The following PRDM8 variants were observed in gnomAD, a reference collection of about 807,000 sequenced individuals.
The protein encoded by PRDM8 is PR domain zinc finger protein 8.
Under a neutral mutation model 46.5 loss-of-function variants are expected in PRDM8, and 13 were observed. That is an observed-to-expected ratio of 0.28 (90% CI 0.18 to 0.44). The LOEUF (loss-of-function observed/expected upper bound fraction) is 0.44. Among genes scored for constraint, PRDM8 ranks in the 20% least tolerant of loss-of-function variants. The pLI is 1.00. For missense variants in PRDM8, 998 were observed against 955.0 expected (o/e 1.04, Z -0.59); for synonymous variants, 473 against 438.4 (o/e 1.08, Z -0.98).
chr4:80,200,272 C>T lies in PRDM8; in HGVS notation c.192C>T (p.Asp64=), dbSNP rs1353802596. ...SIAFIALKST[D]KRTVPYIFRV... ...CTTTCATAGCTCTCAAGTCTACTGA[C>T]AAGAGAACAGTACCGTATATCTTTC... The change falls in exon 2 of 4, where the codon GAC becomes GAT. Residue 64 remains aspartate (D), a synonymous_variant. Coordinates refer to ENST00000415738, the MANE Select transcript of PRDM8 (RefSeq NM_001099403.2). 1 of 1,613,744 alleles carries T rather than the reference C, an allele frequency of 6.2e-7. No homozygotes were observed. The highest frequency in any genetic ancestry group is 8.5e-7 in the Non-Finnish European group (1 of 1,179,806).
At chr4:80,195,079 AT>A (rs1455823468), upstream of PRDM8, among the ~76,000 whole-genome samples, 1 of 152,168 alleles carries the variant, frequency 6.6e-6, no homozygotes, top group Non-Finnish European at 1.5e-5. Context: ...CATATTTACA[AT>A]ATGTAAGATA....
Position 80,203,245 on chromosome 4 carries a change from G to A in PRDM8, c.1783G>A (p.Ala595Thr). The change falls in exon 4 of 4, where the codon GCG becomes ACG. Residue 595 changes from alanine (A) to threonine (T), a missense_variant. Transcript: ENST00000415738. ...CGCTGCCGCTGCAGCCGCGGCTGCG[G>A]CGGCGGCCGCGGGGCCCTTGCAGCT... ...SSAAAAAAAA[A>T]AAAGPLQLQL... 1 of 1,556,296 alleles carries A rather than the reference G, an allele frequency of 6.4e-7. No individual in the cohort carries two copies. The highest frequency in any genetic ancestry group is 8.7e-7 in the Non-Finnish European group (1 of 1,153,330).
intron 1 of PRDM8, among the ~76,000 whole-genome samples, chr4:80,188,958 G>A (rs1737334308): frequency 6.6e-6 from 1 of 152,232 alleles, no homozygotes; most frequent in South Asian, 2.1e-4. Flanking sequence ...CAGTGCCAGT[G>A]GTGTAGCTGC....
intron 1 of PRDM8, among the ~76,000 whole-genome samples, chr4:80,191,200 A>C (rs1469465722): frequency 6.6e-6 from 1 of 152,248 alleles, no homozygotes; most frequent in Non-Finnish European, 1.5e-5. Flanking sequence ...TGCCTTTGAC[A>C]ACATTCACCC....
intron 1 of PRDM8, among the ~76,000 whole-genome samples, chr4:80,187,249 C>CGGA (rs1560464391): frequency 1.6e-5 from 2 of 121,638 alleles, no homozygotes; most frequent in African/African-American, 5.9e-5. Flanking sequence ...TGCCCTGGGG[C>CGGA]GGGGGGAAGC....
chr4:80,200,335 G>C, intron 2 of PRDM8, 36 bp downstream of exon 2: 1 of 1,534,524 alleles, frequency 6.5e-7, no homozygotes, highest in Non-Finnish European at 9.0e-7. Context: ...GTGTATGAGG[G>C]TAATGTCCTG....
rs1181302510 is a variant in PRDM8 at position 80,203,728 on chromosome 4, C to T, written c.*196C>T. 16 of 622,194 alleles carry T rather than the reference C, an allele frequency of 2.6e-5. No homozygotes were observed. Among genetic ancestry groups the T allele is most frequent in the East Asian group, 3.5e-5 (1 of 28,718 alleles). The allele number at this position is 622,194 out of a possible 1,614,324, so 38.5% of individuals were successfully genotyped here. On this transcript the variant is annotated 3_prime_UTR_variant, in exon 4 of 4. Coordinates refer to ENST00000415738, the MANE Select transcript of PRDM8 (RefSeq NM_001099403.2). Reference sequence around the variant, plus strand: ...CAGGAACCTCATTCAAATATTTACCCGGGACACACACCCCCCCCCACACAC... The same window carrying T: ...CAGGAACCTCATTCAAATATTTACCTGGGACACACACCCCCCCCCACACAC...
In PRDM8 at chr4:80,203,155, G is replaced by A. The variant is rs866625939; in HGVS notation, c.1693G>A (p.Gly565Ser). 8 of 1,538,828 alleles carry A rather than the reference G, an allele frequency of 5.2e-6. No homozygotes were observed. The Middle Eastern group carries it at 1.3e-3, about 246-fold the overall frequency. Reference protein sequence around the residue: ...LNGGCGSLPSGGGGLPKQSPF... With the variant: ...LNGGCGSLPSSGGGLPKQSPF... ...CGGAGGTTGCGGGTCCCTGCCGAGCGGCGGCGGCGGCCTGCCTAAGCAGAG... is the reference window on the plus strand; with the variant it reads ...CGGAGGTTGCGGGTCCCTGCCGAGCAGCGGCGGCGGCCTGCCTAAGCAGAG... The change falls in exon 4 of 4, where the codon GGC (glycine) becomes AGC (serine). Residue 565 changes from glycine (G) to serine (S), a missense_variant. Coordinates refer to ENST00000415738, the MANE Select transcript of PRDM8 (RefSeq NM_001099403.2).
At chr4:80,199,741 A>G (rs1052336850) in intron 1 of PRDM8, among the ~76,000 whole-genome samples, 2 of 65,108 alleles carry the variant, frequency 3.1e-5, no homozygotes, top group African/African-American at 1.4e-4. Context: ...GTGTGTGTAC[A>G]TATATATATA....
chr4:80,198,487 G>GA (rs1174233593), intron 1 of PRDM8, among the ~76,000 whole-genome samples: 2 of 152,108 alleles, frequency 1.3e-5, no homozygotes, highest in Non-Finnish European at 2.9e-5. Flanking sequence ...AATTTGAAAT[G>GA]AAAAAATCAG....
intron 1 of PRDM8, among the ~76,000 whole-genome samples, chr4:80,186,759 C>T (rs1019388896): frequency 1.3e-5 from 2 of 152,162 alleles, no homozygotes; most frequent in Non-Finnish European, 2.9e-5. Context: ...ATGCCTCTTC[C>T]GTGTTTTGTT....
intron 1 of PRDM8, among the ~76,000 whole-genome samples, chr4:80,199,536 G>A (rs934328768): frequency 1.3e-5 from 2 of 151,936 alleles, no homozygotes; most frequent in Admixed American, 6.6e-5. Flanking sequence ...CGCTGTCTCC[G>A]CCTGCTCACT....
upstream of PRDM8, among the ~76,000 whole-genome samples, chr4:80,193,942 T>C (rs1737746454): frequency 6.6e-6 from 1 of 152,252 alleles, no homozygotes; most frequent in Non-Finnish European, 1.5e-5. Flanking sequence ...TCTCATGGGA[T>C]AATAATCTTT....
In PRDM8 at chr4:80,200,253, T is replaced by C. The variant is rs760960555; in HGVS notation, c.173T>C (p.Ile58Thr). 3.1e-6 allele frequency: 5 copies of C among 1,614,148 alleles called. No homozygotes were observed. Among genetic ancestry groups the C allele is most frequent in the Non-Finnish European group, 4.2e-6 (5 of 1,179,996 alleles). The change falls in exon 2 of 4, where the codon ATA becomes ACA. Residue 58 changes from isoleucine to threonine, a missense_variant. Physicochemically the swap from Ile to Thr is moderately conservative, Grantham distance 89. Coordinates refer to ENST00000415738, the MANE Select transcript of PRDM8 (RefSeq NM_001099403.2). ...HTSLYDSIAF[I>T]ALKSTDKRTV... ...TCCCTATATGACAGCATAGCTTTCA[T>C]AGCTCTCAAGTCTACTGACAAGAGA...
Position 80,197,639 on chromosome 4 carries a change from G to T in PRDM8, c.-127G>T, listed in dbSNP as rs1254748782. 2 of 983,222 alleles carry T rather than the reference G, an allele frequency of 2.0e-6. No individual in the cohort carries two copies. Among genetic ancestry groups the T allele is most frequent in the Non-Finnish European group, 2.4e-6 (2 of 827,946 alleles). The allele number at this position is 983,222 out of a possible 1,614,324, so 60.9% of individuals were successfully genotyped here. A position where few individuals can be genotyped will look rare whatever the true frequency, so the allele number is the denominator to read the frequency against. Reference sequence around the variant, plus strand: ...TATCTCTTCAGGAAGAGCCTAAAAGGCGGCAACACCAACACCTCTTGACAT... The same window carrying T: ...TATCTCTTCAGGAAGAGCCTAAAAGTCGGCAACACCAACACCTCTTGACAT... On this transcript the variant is annotated 5_prime_UTR_variant, in exon 1 of 4. Coordinates refer to ENST00000415738, the MANE Select transcript of PRDM8 (RefSeq NM_001099403.2).
upstream of PRDM8, chr4:80,197,269 G>T: frequency 5.1e-6 from 5 of 982,194 alleles, no homozygotes; most frequent in Non-Finnish European, 6.0e-6. Context: ...AGTCCCAGAG[G>T]GCCCGAGCTT....
At chr4:80,190,234 C>T (rs1400490101) in intron 1 of PRDM8, 1 of 152,242 alleles carries the variant, frequency 6.6e-6, no homozygotes, top group Non-Finnish European at 1.5e-5. Context: ...CTTGGAACGC[C>T]TTTCCGCAGG....
chr4:80,203,735 C>T lies in PRDM8; in HGVS notation c.*203C>T, dbSNP rs2292843. ...CTCATTCAAATATTTACCCGGGACACACACCCCCCCCCACACACACACACA... is the reference window on the plus strand; with the variant it reads ...CTCATTCAAATATTTACCCGGGACATACACCCCCCCCCACACACACACACA... On this transcript the variant is annotated 3_prime_UTR_variant, in exon 4 of 4. Coordinates refer to ENST00000415738, the MANE Select transcript of PRDM8 (RefSeq NM_001099403.2). The T allele has an allele frequency of 0.3, 158,883 of 532,012 alleles. 27,634 individuals are homozygous for T. Among genetic ancestry groups the T allele is most frequent in the East Asian group, 0.62 (15,710 of 25,486 alleles). The allele number at this position is 532,012 out of a possible 1,614,324, so 33.0% of individuals were successfully genotyped here.
intron 1 of PRDM8, among the ~76,000 whole-genome samples, chr4:80,188,716 G>T (rs1230264541): frequency 6.6e-6 from 1 of 152,242 alleles, no homozygotes; most frequent in Non-Finnish European, 1.5e-5. Context: ...TGGGCGGAAA[G>T]TTTCATATAA....
Sources: gnomAD v4.1 joint callset for allele counts (sites outside exome capture counted in the v4.1 genomes callset) on GRCh38, gnomAD v4.1.1 for gene constraint, MANE v1.5 for transcripts, NCBI Gene and HGNC (gene_info 2026-07-23, HGNC 2026-07-21) for gene names.